The following ABCC4 variants were observed in gnomAD, a reference collection of about 807,000 sequenced individuals.
ABCC4 encodes the protein ATP binding cassette subfamily C member 4 (PEL blood group).
A neutral mutation model predicts 168.5 loss-of-function variants in ABCC4; 102 were observed. The ratio of observed to expected loss-of-function variants is 0.61; its 90% confidence interval spans 0.52 to 0.71. The LOEUF is 0.71. Among genes scored for constraint, ABCC4 ranks in the 30% least tolerant of loss-of-function variants. The pLI, the probability that ABCC4 is intolerant of heterozygous loss-of-function variation, is 0.00. For synonymous variants in ABCC4, 617 were observed against 590.7 expected (o/e 1.04, Z -0.65); for missense variants, 1,402 against 1,605.8 (o/e 0.87, Z 2.17).
At position 95,043,687 on chromosome 13, in the gene ABCC4, T is replaced by A. The variant is rs2032455822; in HGVS notation, c.3730A>T (p.Ile1244Leu). 1 of 1,611,436 alleles carries A rather than the reference T, an allele frequency of 6.2e-7. No homozygotes were observed. Among genetic ancestry groups the A allele is most frequent in the African/African-American group, 1.3e-5 (1 of 74,864 alleles). The change falls in exon 29 of 31, where the codon ATA becomes TTA. Residue 1244 changes from isoleucine (I) to leucine (L), a missense_variant. This residue lies in a region of ABCC4 where 1,007 missense variants were observed against 1,127.3 expected (regional missense o/e 0.89). Transcript: ENST00000645237. The part of the protein sequence containing the change: ...RLNTIIDSDK[I>L]MVLDSGRLKE... ...TCCGCAGGTGAAGGACTCACCATTATCTTGTCGCTGTCAATAATGGTGTTC... is the reference window on the plus strand; with the variant it reads ...TCCGCAGGTGAAGGACTCACCATTAACTTGTCGCTGTCAATAATGGTGTTC...
chr13:95,077,092 G>A (rs1466545898), intron 21 of ABCC4, among the ~76,000 whole-genome samples: 2 of 152,328 alleles, frequency 1.3e-5, no homozygotes, highest in Admixed American at 1.3e-4. Flanking sequence ...CAGCGGACAT[G>A]AGGGCTAGCT....
chr13:95,075,198 A>C lies in ABCC4; in HGVS notation c.2806+234T>G, dbSNP rs1052333266. Reference sequence around the variant, plus strand: ...AGAGCCACAGGCCATGCATGGTGAGAGAAAGACCCCACAAGCCAGTCAGGG... The same window carrying C: ...AGAGCCACAGGCCATGCATGGTGAGCGAAAGACCCCACAAGCCAGTCAGGG... On this transcript the variant is annotated intron_variant, in intron 22 of 30. Coordinates refer to ENST00000645237, the MANE Select transcript of ABCC4 (RefSeq NM_005845.5). The C allele has an allele frequency of 1.3e-5, 7 of 522,928 alleles. No homozygotes were observed. In the African/African-American group the frequency reaches 1.3e-4, roughly 10 times the overall value. 32.4% of individuals were successfully genotyped at this position (522,928 alleles called of 1,614,324 possible). A position where few individuals can be genotyped will look rare whatever the true frequency, so the allele number is the denominator to read the frequency against.
At chr13:95,149,039 C>G (rs980649540) in intron 19 of ABCC4, 3 of 152,218 alleles carry the variant, frequency 2.0e-5, no homozygotes, top group Middle Eastern at 3.2e-3. Context: ...TGAGCTAAAT[C>G]TATTCATCTG....
intron 14 of ABCC4, among the ~76,000 whole-genome samples, chr13:95,169,687 C>A (rs950805413): frequency 6.6e-6 from 1 of 152,086 alleles, no homozygotes; most frequent in Non-Finnish European, 1.5e-5. Context: ...AATGTCAGCC[C>A]GACGATGGCA....
chr13:95,284,280 G>A (rs959284659), intron 1 of ABCC4, among the ~76,000 whole-genome samples: 2 of 152,052 alleles, frequency 1.3e-5, no homozygotes, highest in South Asian at 2.1e-4. Context: ...ACAACCTCCT[G>A]GGCTCAGGTG....
chr13:95,032,706 C>T (rs1337887753), intron 30 of ABCC4, among the ~76,000 whole-genome samples: 1 of 151,854 alleles, frequency 6.6e-6, no homozygotes, highest in Non-Finnish European at 1.5e-5. Context: ...GCTCTGTTGC[C>T]AGGCTGGAGT....
intron 6 of ABCC4, among the ~76,000 whole-genome samples, chr13:95,209,092 G>T (rs1181421781): frequency 6.6e-6 from 1 of 152,218 alleles, no homozygotes; most frequent in African/African-American, 2.4e-5. Flanking sequence ...AAAGATGTAT[G>T]CAGCTAGAAT....
chr13:95,241,986 T>G (rs1053572592), intron 3 of ABCC4, among the ~76,000 whole-genome samples: 1 of 152,242 alleles, frequency 6.6e-6, no homozygotes, highest in East Asian at 1.9e-4. Context: ...GGAGTTTATA[T>G]TCTACTGTTC....
At chr13:95,029,250 AG>A (rs2088451873) in intron 30 of ABCC4, among the ~76,000 whole-genome samples, 1 of 5,016 alleles carries the variant, frequency 2.0e-4, no homozygotes, top group African/African-American at 3.6e-4. Flanking sequence ...AGAGAGAGAG[AG>A]AGAAAGAGAG....
chr13:95,032,223 G>A (rs1178401950), intron 30 of ABCC4, among the ~76,000 whole-genome samples: 1 of 152,138 alleles, frequency 6.6e-6, no homozygotes, highest in East Asian at 1.9e-4. Flanking sequence ...CTTGAATCCG[G>A]ACTCTGCCTA....
intron 19 of ABCC4, among the ~76,000 whole-genome samples, chr13:95,118,923 A>T (rs909423051): frequency 1.3e-5 from 2 of 152,202 alleles, no homozygotes; most frequent in African/African-American, 4.8e-5. Flanking sequence ...CTACTTGAAG[A>T]AAGTTAATCA....
chr13:95,021,369 A>G lies in ABCC4; in HGVS notation c.*206T>C. On this transcript the variant is annotated 3_prime_UTR_variant, in exon 31 of 31. Transcript: ENST00000645237. ...GCCTGCACCTCTGATTTGGATTTTA[A>G]AAAACAACTATTGACATTTAAATAA... 4 of 494,358 alleles carry G rather than the reference A, an allele frequency of 8.1e-6. No individual in the cohort carries two copies. The highest frequency in any genetic ancestry group is 1.4e-5 in the Non-Finnish European group (4 of 281,420). 30.6% of individuals were successfully genotyped at this position (494,358 alleles called of 1,614,324 possible). A position where few individuals can be genotyped will look rare whatever the true frequency, so the allele number is the denominator to read the frequency against.
intron 25 of ABCC4, among the ~76,000 whole-genome samples, chr13:95,063,199 A>G (rs1001270043): frequency 6.6e-6 from 1 of 152,238 alleles, no homozygotes; most frequent in Non-Finnish European, 1.5e-5. Context: ...GTTCTAAAAA[A>G]GAGTTGAAAA....
intron 26 of ABCC4, among the ~76,000 whole-genome samples, chr13:95,056,604 G>A (rs944903351): frequency 2.0e-5 from 3 of 149,252 alleles, no homozygotes; most frequent in Non-Finnish European, 4.4e-5. Flanking sequence ...ACTAGTAACT[G>A]CATACCTACC....
chr13:95,243,157 G>GCACTGTGTGGGTCCATCTTAA (rs143888962), intron 3 of ABCC4, among the ~76,000 whole-genome samples: 2,884 of 152,176 alleles, frequency 0.019, 74 homozygotes, highest in East Asian at 0.087. Flanking sequence ...CCTGCCGCCA[G>GCACTGTGTGGGTCCATCTTAA]CACTGTGTGG....
chr13:95,177,750 G>A lies in ABCC4; in HGVS notation c.1684C>T (p.Leu562Phe). ...DADIYLLDDPLSAVDAEVSRH... is the reference protein window; with the variant it reads ...DADIYLLDDPFSAVDAEVSRH... ...CTAACTTCCGCATCTACTGCACTGA[G>A]AGGATCGTCCAGGAGATAGATGTCA... The change falls in exon 13 of 31, where the codon CTC becomes TTC. Residue 562 changes from leucine (L) to phenylalanine (F), a missense_variant. By Grantham distance (22) the Leu-to-Phe change is conservative (BLOSUM62 0). Coordinates refer to ENST00000645237, the MANE Select transcript of ABCC4 (RefSeq NM_005845.5). The A allele has an allele frequency of 1.9e-6, 3 of 1,612,084 alleles. No homozygotes were observed. The highest frequency in any genetic ancestry group is 2.5e-6 in the Non-Finnish European group (3 of 1,178,240).
At chr13:95,081,722 C>G (rs922840941) in intron 21 of ABCC4, among the ~76,000 whole-genome samples, 7 of 152,192 alleles carry the variant, frequency 4.6e-5, no homozygotes, top group African/African-American at 1.7e-4. Flanking sequence ...CACTGTTGGC[C>G]AGGTGCAGCA....
At chr13:95,281,978 G>C (rs773781657) in intron 1 of ABCC4, among the ~76,000 whole-genome samples, 1 of 152,028 alleles carries the variant, frequency 6.6e-6, no homozygotes, top group Non-Finnish European at 1.5e-5. Flanking sequence ...GTGGTAGCAC[G>C]CACCGGTAGT....
intron 4 of ABCC4, among the ~76,000 whole-genome samples, chr13:95,220,130 T>C (rs983978978): frequency 1.3e-5 from 2 of 152,078 alleles, no homozygotes; most frequent in Non-Finnish European, 2.9e-5. Flanking sequence ...CCTTGCAAAG[T>C]ACTGGGATTA....
Sources: allele counts gnomAD v4.1 joint callset (sites outside exome capture counted in the v4.1 genomes callset), GRCh38; gene constraint gnomAD v4.1.1; regional missense constraint gnomAD v4.1.1; transcripts MANE v1.5; gene names NCBI Gene and HGNC (gene_info 2026-07-23, HGNC 2026-07-21).